PIK3AP1: variants seen among roughly 807,000 people sequenced by gnomAD.
PIK3AP1 encodes phosphoinositide-3-kinase adaptor protein 1.
PIK3AP1 carries 21 observed loss-of-function variants against 88.1 expected under a neutral mutation model. That is an observed-to-expected ratio of 0.24 (90% CI 0.17 to 0.34). The LOEUF is 0.34. Ranked by LOEUF, PIK3AP1 falls within the 10% of genes least tolerant of loss-of-function variation. The pLI is 1.00. For missense variants in PIK3AP1, 828 were observed against 1,035.7 expected (o/e 0.80, Z 2.75); for synonymous variants, 398 against 400.0 (o/e 1.00, Z 0.06).
At chr10:96,704,827 A>G (rs1043126666) in intron 2 of PIK3AP1, among the ~76,000 whole-genome samples, 2 of 152,166 alleles carry the variant, frequency 1.3e-5, no homozygotes, top group African/African-American at 4.8e-5. Context: ...TTCTGTGCAC[A>G]TTAAAATTTG....
chr10:96,709,889 C>A lies in PIK3AP1; in HGVS notation c.108G>T (p.Gln36His). The A allele has an allele frequency of 6.2e-7, 1 of 1,613,678 alleles. No individual in the cohort carries two copies. Among genetic ancestry groups the A allele is most frequent in the Non-Finnish European group, 8.5e-7 (1 of 1,179,960 alleles). The change falls in exon 2 of 17, where the codon CAG (glutamine) becomes CAT (histidine). Residue 36 changes from glutamine to histidine, a missense_variant. By Grantham distance (24) the Gln-to-His change is conservative. Transcript: ENST00000339364. ...YLQTLFLSSR[Q>H]VRSQKILTHR... ...GAGTCAGTATCTTCTGGCTGCGGAC[C>A]TGCCGACTGGACAGGAACAGGGTCT...
At chr10:96,623,078 T>C (rs1286098991) in intron 11 of PIK3AP1, among the ~76,000 whole-genome samples, 1 of 152,142 alleles carries the variant, frequency 6.6e-6, no homozygotes, top group African/African-American at 2.4e-5. Context: ...TAAGGTCCTT[T>C]GTACGACCAA....
intron 14 of PIK3AP1, among the ~76,000 whole-genome samples, chr10:96,606,783 T>C (rs1175842132): frequency 2.6e-5 from 4 of 152,236 alleles, no homozygotes; most frequent in African/African-American, 9.6e-5. Flanking sequence ...TTCTTTTTCA[T>C]CTTTGGTTCT....
intron 16 of PIK3AP1, among the ~76,000 whole-genome samples, chr10:96,598,589 C>T (rs1848825156): frequency 6.6e-6 from 1 of 151,728 alleles, no homozygotes; most frequent in East Asian, 1.9e-4. Context: ...TGGTGTCTCA[C>T]AGGTTCGCCA....
intron 2 of PIK3AP1, among the ~76,000 whole-genome samples, chr10:96,680,137 T>C (rs949229974): frequency 1.3e-5 from 2 of 152,162 alleles, no homozygotes; most frequent in Non-Finnish European, 2.9e-5. Flanking sequence ...TGGTTGTTCT[T>C]CTCTGGACAT....
intron 11 of PIK3AP1, among the ~76,000 whole-genome samples, chr10:96,622,629 G>A (rs922104646): frequency 1.3e-5 from 2 of 152,192 alleles, no homozygotes; most frequent in Admixed American, 6.5e-5. Flanking sequence ...GGGAGACACA[G>A]TGGAGGAAAA....
chr10:96,623,776 G>A (rs1480594597), intron 10 of PIK3AP1, among the ~76,000 whole-genome samples: 1 of 152,166 alleles, frequency 6.6e-6, no homozygotes. Flanking sequence ...CAAGCTCATT[G>A]AAGAAAACGG....
intron 16 of PIK3AP1, among the ~76,000 whole-genome samples, chr10:96,598,425 C>CT (rs1291776611): frequency 1.3e-5 from 2 of 151,992 alleles, no homozygotes; most frequent in Non-Finnish European, 2.9e-5. Flanking sequence ...TTGATGGCTA[C>CT]TTTTTTTAAG....
At chr10:96,600,767 C>A (rs1848874661) in intron 16 of PIK3AP1, among the ~76,000 whole-genome samples, 1 of 152,160 alleles carries the variant, frequency 6.6e-6, no homozygotes, top group Non-Finnish European at 1.5e-5. Flanking sequence ...CAAAACAAAA[C>A]CCTGGTTGAA....
chr10:96,656,359 C>T (rs72821011), intron 3 of PIK3AP1, among the ~76,000 whole-genome samples: 3,283 of 152,242 alleles, frequency 0.022, 52 homozygotes, highest in Non-Finnish European at 0.03. Flanking sequence ...TGGTTTCAGC[C>T]GTCAAGCTTC....
intron 7 of PIK3AP1, among the ~76,000 whole-genome samples, chr10:96,646,492 A>C (rs1168898208): frequency 6.6e-6 from 1 of 152,088 alleles, no homozygotes; most frequent in African/African-American, 2.4e-5. Context: ...CTCCAAAGGG[A>C]AAAAAATGAC....
At chr10:96,609,946 C>A in intron 13 of PIK3AP1, 79 bp from the exon 14 acceptor site, 2 of 1,506,146 alleles carry the variant, frequency 1.3e-6, no homozygotes, top group Non-Finnish European at 1.8e-6. Context: ...CTTCCCTCCA[C>A]CTGCCTCTCT....
intron 12 of PIK3AP1, among the ~76,000 whole-genome samples, chr10:96,619,196 A>G (rs1843041544): frequency 6.6e-6 from 1 of 152,182 alleles, no homozygotes; most frequent in South Asian, 2.1e-4. Context: ...AATGCCTAAC[A>G]TAGCACTGTC....
At chr10:96,637,461 G>A (rs950156627) in intron 8 of PIK3AP1, among the ~76,000 whole-genome samples, 21 of 151,932 alleles carry the variant, frequency 1.4e-4, no homozygotes, top group Non-Finnish European at 1.0e-4. Flanking sequence ...TTTCCCAGGC[G>A]ATCCTCCCAC....
At chr10:96,662,888 C>CAAAAAAAAAA (rs749898725) in intron 2 of PIK3AP1, among the ~76,000 whole-genome samples, 6 of 22,570 alleles carry the variant, frequency 2.7e-4, no homozygotes, top group African/African-American at 3.6e-4. Flanking sequence ...GACTCCGTCT[C>CAAAAAAAAAA]AAAAAAAAAA....
At chr10:96,686,149 C>T (rs1170943301) in intron 2 of PIK3AP1, among the ~76,000 whole-genome samples, 6 of 152,274 alleles carry the variant, frequency 3.9e-5, no homozygotes, top group East Asian at 1.9e-4. Flanking sequence ...AGGCAGTCAA[C>T]GCATATTTTT....
intron 2 of PIK3AP1, among the ~76,000 whole-genome samples, chr10:96,708,574 C>CAAAAAAAAAAAAAAAAAAAAAA (rs924470384): frequency 1.6e-4 from 2 of 12,826 alleles, no homozygotes; most frequent in Non-Finnish European, 3.8e-4. Flanking sequence ...GGATCTGTCT[C>CAAAAAAAAAAAAAAAAAAAAAA]AAAAAAAAAA....
chr10:96,720,481 G>A lies in PIK3AP1; in HGVS notation c.-87C>T, dbSNP rs1413544930. On this transcript the variant is annotated 5_prime_UTR_variant, in exon 1 of 17. Transcript: ENST00000339364. The surrounding 1 kb of genome is among the most constrained non-coding windows in gnomAD (Gnocchi z 4.6). ...CGGCGTCCTGGCTCGGGCTGGAGGG[G>A]CGCCGGGCTCCGCGCGGGACCGGCC... 2 of 1,161,258 alleles carry A rather than the reference G, an allele frequency of 1.7e-6. No individual in the cohort carries two copies. Among genetic ancestry groups the A allele is most frequent in the African/African-American group, 1.6e-5 (1 of 62,180 alleles). The allele number at this position is 1,161,258 out of a possible 1,614,324, so 71.9% of individuals were successfully genotyped here.
rs534876907 is a variant in PIK3AP1, at chr10:96,646,116, C to T, written c.1186-454G>A. 2.2e-4 allele frequency among the ~76,000 whole-genome samples: 34 copies of T among 152,162 alleles called. 1 individual carries two copies. Among genetic ancestry groups the T allele is most frequent in the African/African-American group, 7.2e-4 (30 of 41,512 alleles). Reference sequence around the variant, plus strand: ...CTCTACTAAAAATACAAAAATTAGCCGGGCATGGTGGAGCACGCTTGGAAT... The same window carrying T: ...CTCTACTAAAAATACAAAAATTAGCTGGGCATGGTGGAGCACGCTTGGAAT... On this transcript the variant is annotated intron_variant, in intron 7 of 16. Coordinates refer to ENST00000339364, the MANE Select transcript of PIK3AP1 (RefSeq NM_152309.3).
Sources: gnomAD v4.1 joint callset for allele counts (sites outside exome capture counted in the v4.1 genomes callset) on GRCh38, gnomAD v4.1.1 for gene constraint, Gnocchi (gnomAD v3.1) non-coding constraint, MANE v1.5 for transcripts, NCBI Gene and HGNC (gene_info 2026-07-23, HGNC 2026-07-21) for gene names.